Variants in STK33 observed in about 807,000 individuals in gnomAD.
The protein encoded by STK33 is serine/threonine-protein kinase 33.
STK33 carries 52 observed loss-of-function variants against 58.0 expected under a neutral mutation model. That is an observed-to-expected ratio of 0.90 (90% CI 0.72 to 1.13). STK33 has a LOEUF of 1.13. Among genes scored for constraint, STK33 ranks in the 50% most tolerant of loss-of-function variants. STK33 has a pLI of 0.00. For synonymous variants in STK33, 215 were observed against 200.1 expected (o/e 1.07, Z -0.63); for missense variants, 630 against 604.2 (o/e 1.04, Z -0.45).
At chr11:8,585,794 C>T (rs1333227033) in intron 1 of STK33, among the ~76,000 whole-genome samples, 2 of 151,972 alleles carry the variant, frequency 1.3e-5, no homozygotes, top group African/African-American at 2.4e-5. Flanking sequence ...GTGGCTCACA[C>T]CTGTAATCCC....
chr11:8,355,018 A>G, the STK33 span, among the ~76,000 whole-genome samples: 2 of 152,264 alleles, frequency 1.3e-5, no homozygotes, highest in Non-Finnish European at 2.9e-5. Context: ...CCTGGCCTCC[A>G]GCTTCCGGGA....
At chr11:8,498,616 A>C (rs1282110547) in intron 1 of STK33, among the ~76,000 whole-genome samples, 2 of 152,162 alleles carry the variant, frequency 1.3e-5, no homozygotes, top group African/African-American at 4.8e-5. Context: ...AAAAGAGCCC[A>C]CATTGCCAAG....
intron 1 of STK33, among the ~76,000 whole-genome samples, chr11:8,559,945 T>C (rs1957010575): frequency 6.6e-6 from 1 of 152,162 alleles, no homozygotes; most frequent in African/African-American, 2.4e-5. Flanking sequence ...CTAACCATTT[T>C]TTCATTATCC....
chr11:8,507,152 CCTT>C (rs1197267674), intron 1 of STK33, among the ~76,000 whole-genome samples: 4 of 152,134 alleles, frequency 2.6e-5, no homozygotes, highest in African/African-American at 9.7e-5. Context: ...TGACGCAAGG[CCTT>C]CTAGCAGCCT....
chr11:8,444,765 T>A (rs1278625770), intron 11 of STK33, among the ~76,000 whole-genome samples: 3 of 152,118 alleles, frequency 2.0e-5, no homozygotes, highest in Non-Finnish European at 4.4e-5. Flanking sequence ...GATAATTTAG[T>A]ATAAATTGAA....
rs534969453 is a variant in STK33, at chr11:8,499,073, T to C, written c.-465-18459A>G. ...AAAGCAATGGCAACAAAAGCCGAAA[T>C]TGACAAATGGGATCTAATTAAACTG... On this transcript the variant is annotated intron_variant, in intron 1 of 15. Transcript: ENST00000687296. Among the ~76,000 whole-genome samples, 35 of 152,192 alleles carry C rather than the reference T, an allele frequency of 2.3e-4. 1 individual carries two copies. The highest frequency in any genetic ancestry group is 7.2e-4 in the African/African-American group (30 of 41,514).
chr11:8,519,670 G>A (rs555971519), intron 1 of STK33, among the ~76,000 whole-genome samples: 3 of 152,062 alleles, frequency 2.0e-5, no homozygotes, highest in East Asian at 1.9e-4. Context: ...TATCACCACC[G>A]ATCCCACAGA....
the STK33 span, among the ~76,000 whole-genome samples, chr11:8,379,068 T>C: frequency 7.9e-5 from 12 of 152,106 alleles, no homozygotes; most frequent in Non-Finnish European, 1.5e-4. Flanking sequence ...TAATAAATAG[T>C]GCTGGGAAAA....
intron 1 of STK33, among the ~76,000 whole-genome samples, chr11:8,589,141 A>T (rs1053649926): frequency 3.3e-5 from 5 of 152,192 alleles, no homozygotes; most frequent in Non-Finnish European, 1.5e-5. Context: ...GAGTTACCAT[A>T]CGATCAGCAA....
intron 14 of STK33, among the ~76,000 whole-genome samples, chr11:8,425,671 T>A (rs1290569198): frequency 6.6e-6 from 1 of 152,204 alleles, no homozygotes; most frequent in Admixed American, 6.5e-5. Context: ...TTCTTATAAA[T>A]AGTAGAGAGC....
chr11:8,518,144 T>C (rs1049965502), intron 1 of STK33, among the ~76,000 whole-genome samples: 4 of 152,284 alleles, frequency 2.6e-5, no homozygotes, highest in South Asian at 2.1e-4. Flanking sequence ...GAGGATCTCT[T>C]GGCAGAAACT....
intron 9 of STK33, among the ~76,000 whole-genome samples, chr11:8,456,265 T>G (rs1230973266): frequency 6.6e-6 from 1 of 152,232 alleles, no homozygotes; most frequent in Non-Finnish European, 1.5e-5. Context: ...TTTCTGAGTT[T>G]GTATTCCTCA....
At chr11:8,455,384 A>T (rs1946723649) in intron 9 of STK33, among the ~76,000 whole-genome samples, 1 of 152,222 alleles carries the variant, frequency 6.6e-6, no homozygotes, top group Non-Finnish European at 1.5e-5. Context: ...CTTGAGACAC[A>T]AAATCTCCAG....
the STK33 span, among the ~76,000 whole-genome samples, chr11:8,375,876 TAAAGG>T: frequency 1.6e-4 from 25 of 152,228 alleles, 1 homozygote; most frequent in Non-Finnish European, 3.4e-4. Flanking sequence ...CTTTCCTTCA[TAAAGG>T]AAAGGGCAAA....
chr11:8,430,651 G>T (rs1347359812), intron 14 of STK33, among the ~76,000 whole-genome samples: 2 of 152,074 alleles, frequency 1.3e-5, no homozygotes, highest in Non-Finnish European at 2.9e-5. Flanking sequence ...TTACATCCTT[G>T]TTGATCTATC....
intron 1 of STK33, among the ~76,000 whole-genome samples, chr11:8,591,414 A>G (rs2032573465): frequency 6.6e-6 from 1 of 152,216 alleles, no homozygotes; most frequent in Admixed American, 6.5e-5. Flanking sequence ...AAAGCAATGG[A>G]TCATAAAGGA....
At chr11:8,478,342 T>C (rs1396241097) in intron 2 of STK33, among the ~76,000 whole-genome samples, 1 of 152,212 alleles carries the variant, frequency 6.6e-6, no homozygotes, top group African/African-American at 2.4e-5. Context: ...AATACAATAA[T>C]GTTTCTTTGT....
At chr11:8,428,677 T>C (rs1943059305) in intron 14 of STK33, among the ~76,000 whole-genome samples, 1 of 151,214 alleles carries the variant, frequency 6.6e-6, no homozygotes, top group Non-Finnish European at 1.5e-5. Flanking sequence ...GTTCTCAGTG[T>C]CTATTAAAAC....
the STK33 span, among the ~76,000 whole-genome samples, chr11:8,367,383 T>C: frequency 1.3e-5 from 2 of 152,226 alleles, no homozygotes; most frequent in African/African-American, 4.8e-5. Flanking sequence ...TGACGTGTGT[T>C]CACATCATTG....
Sources: gnomAD v4.1 joint callset for allele counts (sites outside exome capture counted in the v4.1 genomes callset) on GRCh38, gnomAD v4.1.1 for gene constraint, MANE v1.5 for transcripts, NCBI Gene and HGNC (gene_info 2026-07-23, HGNC 2026-07-21) for gene names.